CCDC91: variants seen among roughly 807,000 people sequenced by gnomAD.
CCDC91 encodes coiled-coil domain-containing protein 91.
Under a neutral mutation model 63.2 loss-of-function variants are expected in CCDC91, and 48 were observed. The observed-to-expected ratio is 0.76, with a 90% confidence interval of 0.60 to 0.97. The LOEUF (loss-of-function observed/expected upper bound fraction) is 0.97, where lower values mean the gene tolerates loss of function less well. Ranked by LOEUF, CCDC91 falls within the 50% of genes least tolerant of loss-of-function variation. CCDC91 has a pLI of 0.00. For missense variants in CCDC91, 500 were observed against 494.6 expected, an observed-to-expected ratio of 1.01 and a Z score of -0.10; for synonymous variants, 167 against 165.8, an observed-to-expected ratio of 1.01 and a Z score of -0.06.
At chr12:28,443,810 C>G (rs1451591885) in intron 8 of CCDC91, among the ~76,000 whole-genome samples, 1 of 152,090 alleles carries the variant, frequency 6.6e-6, no homozygotes, top group Admixed American at 6.6e-5. Context: ...AATTATTAGA[C>G]AAACGAAATG....
At chr12:28,237,709 A>G (rs1945060892) in intron 1 of CCDC91, among the ~76,000 whole-genome samples, 2 of 152,210 alleles carry the variant, frequency 1.3e-5, no homozygotes, top group African/African-American at 4.8e-5. Flanking sequence ...GAGAGAATAA[A>G]TATCTGTTGT....
chr12:28,328,223 A>G (rs1360447285), intron 6 of CCDC91, among the ~76,000 whole-genome samples: 2 of 152,124 alleles, frequency 1.3e-5, no homozygotes, highest in African/African-American at 4.8e-5. Context: ...TTCGATTTCC[A>G]CATCAGCTGT....
At chr12:28,408,488 G>A (rs1315645838) in intron 8 of CCDC91, among the ~76,000 whole-genome samples, 1 of 152,124 alleles carries the variant, frequency 6.6e-6, no homozygotes, top group Non-Finnish European at 1.5e-5. Flanking sequence ...CATTCTGACT[G>A]GCGTTGAGAT....
chr12:28,462,597 TTTGAA>T (rs1220995098), intron 11 of CCDC91, among the ~76,000 whole-genome samples: 1 of 152,058 alleles, frequency 6.6e-6, no homozygotes. Context: ...GTAGATTTTC[TTTGAA>T]TTGGGGAAAC....
Position 28,508,204 on chromosome 12 carries a change from C to T in CCDC91, c.1215+24039C>T, listed in dbSNP as rs1012027427. On this transcript the variant is annotated intron_variant, in intron 12 of 12. Coordinates refer to ENST00000536442, the MANE Select transcript of CCDC91 (RefSeq NM_018318.5). ...ATAATAAGTTCTTGTAACAGCTCCTCTATGATCCTGTTAGTTTCTCTGGTC... is the reference window on the plus strand; with the variant it reads ...ATAATAAGTTCTTGTAACAGCTCCTTTATGATCCTGTTAGTTTCTCTGGTC... Among the ~76,000 whole-genome samples the T allele has an allele frequency of 2.0e-4, 31 of 152,020 alleles. 1 individual carries two copies. Among genetic ancestry groups the T allele is most frequent in the African/African-American group, 7.2e-4 (30 of 41,530 alleles).
chr12:28,240,410 A>G (rs573827882), intron 1 of CCDC91, among the ~76,000 whole-genome samples: 10 of 152,242 alleles, frequency 6.6e-5, no homozygotes, highest in African/African-American at 2.4e-4. Context: ...AACTGAGATA[A>G]ATTATATTTA....
intron 3 of CCDC91, among the ~76,000 whole-genome samples, chr12:28,279,329 C>T (rs1948447424): frequency 6.6e-6 from 1 of 152,014 alleles, no homozygotes; most frequent in Non-Finnish European, 1.5e-5. Context: ...TTTGAAATAG[C>T]ATCTTATGAG....
chr12:28,218,822 C>T (rs553263774), intron 1 of CCDC91, among the ~76,000 whole-genome samples: 9 of 151,714 alleles, frequency 5.9e-5, no homozygotes, highest in East Asian at 1.9e-4. Flanking sequence ...TAGGTTTGTT[C>T]GTTGTAATTG....
intron 6 of CCDC91, among the ~76,000 whole-genome samples, chr12:28,320,733 G>C (rs1940410359): frequency 6.6e-6 from 1 of 151,866 alleles, no homozygotes; most frequent in Non-Finnish European, 1.5e-5. Context: ...TGATCACAGT[G>C]GCCAGAAAAG....
chr12:28,295,086 G>C (rs1468339961), intron 3 of CCDC91, among the ~76,000 whole-genome samples: 1 of 152,028 alleles, frequency 6.6e-6, no homozygotes, highest in Non-Finnish European at 1.5e-5. Context: ...TTCATATGTT[G>C]TAGGAACTGA....
At chr12:28,503,658 C>G (rs1325577657) in intron 12 of CCDC91, among the ~76,000 whole-genome samples, 4 of 152,118 alleles carry the variant, frequency 2.6e-5, no homozygotes, top group Non-Finnish European at 4.4e-5. Context: ...CAGCACTATT[C>G]ACAGTAGCAA....
At chr12:28,280,548 A>G (rs982203880) in intron 3 of CCDC91, among the ~76,000 whole-genome samples, 4 of 152,120 alleles carry the variant, frequency 2.6e-5, no homozygotes, top group South Asian at 4.1e-4. Flanking sequence ...TTTATAGTCT[A>G]TATGTCTATA....
chr12:28,357,351 G>A (rs768173850), intron 6 of CCDC91, among the ~76,000 whole-genome samples: 1 of 152,018 alleles, frequency 6.6e-6, no homozygotes, highest in Non-Finnish European at 1.5e-5. Context: ...GTGGAGGCTT[G>A]GTTGGAATAT....
chr12:28,401,891 AT>A (rs1242086865), intron 8 of CCDC91, among the ~76,000 whole-genome samples: 1 of 152,170 alleles, frequency 6.6e-6, no homozygotes, highest in Non-Finnish European at 1.5e-5. Flanking sequence ...ATTATGATTA[AT>A]TTTTGAGGTA....
chr12:28,488,946 T>C (rs1951860765), intron 12 of CCDC91, among the ~76,000 whole-genome samples: 1 of 151,920 alleles, frequency 6.6e-6, no homozygotes, highest in Non-Finnish European at 1.5e-5. Flanking sequence ...CTGCCTGCTT[T>C]TATAAATAAA....
intron 7 of CCDC91, among the ~76,000 whole-genome samples, chr12:28,380,187 T>C (rs1945209427): frequency 6.6e-6 from 1 of 151,792 alleles, no homozygotes; most frequent in African/African-American, 2.4e-5. Flanking sequence ...GTTGGGGGGC[T>C]GGGGTAGGGA....
At chr12:28,453,703 A>C (rs1565998957) in intron 11 of CCDC91, among the ~76,000 whole-genome samples, 1 of 151,910 alleles carries the variant, frequency 6.6e-6, no homozygotes, top group East Asian at 1.9e-4. Flanking sequence ...ACCGTAACCT[A>C]TCAATAAATA....
intron 12 of CCDC91, among the ~76,000 whole-genome samples, chr12:28,544,501 G>A (rs962596377): frequency 3.3e-5 from 5 of 151,914 alleles, no homozygotes; most frequent in Non-Finnish European, 7.4e-5. Flanking sequence ...GTGTAAGTTG[G>A]AAAAGTAACA....
intron 12 of CCDC91, among the ~76,000 whole-genome samples, chr12:28,542,966 T>G (rs190111465): frequency 6.6e-6 from 1 of 152,084 alleles, no homozygotes; most frequent in Admixed American, 6.6e-5. Flanking sequence ...CAAGATAAAT[T>G]TATTTTCTCA....
Sources: gnomAD v4.1 joint callset for allele counts (sites outside exome capture counted in the v4.1 genomes callset) on GRCh38, gnomAD v4.1.1 for gene constraint, MANE v1.5 for transcripts, NCBI Gene and HGNC (gene_info 2026-07-23, HGNC 2026-07-21) for gene names.